SYNC: variants seen among roughly 807,000 people sequenced by gnomAD.
The protein encoded by SYNC is syncoilin.
In SYNC, 38 loss-of-function variants were observed where a neutral mutation model predicts 49.5. The ratio of observed to expected loss-of-function variants is 0.77; its 90% CI spans 0.59 to 1.01. SYNC has a LOEUF of 1.01. Ranked by LOEUF, SYNC falls within the 50% of genes least tolerant of loss-of-function variation. SYNC has a pLI of 0.00. For missense variants in SYNC, 579 were observed against 580.6 expected (o/e 1.00, Z 0.03); for synonymous variants, 201 against 230.8 (o/e 0.87, Z 1.17).
Position 32,695,667 on chromosome 1 carries a change from G to A in SYNC, c.431C>T (p.Thr144Ile). The A allele has an allele frequency of 1.3e-6, 2 of 1,551,600 alleles. No homozygotes were observed. Among genetic ancestry groups the A allele is most frequent in the Non-Finnish European group, 1.7e-6 (2 of 1,147,026 alleles). The change falls in exon 2 of 5, where the codon ACA becomes ATA. Residue 144 changes from threonine (T) to isoleucine (I), a missense_variant. Coordinates refer to ENST00000409190, the MANE Select transcript of SYNC (RefSeq NM_030786.3). ...CTCAGGGTTAGATTTCTCCGCCCTTGTGACTGTCTCTCCCTCATAAACAAC... is the reference window on the plus strand; with the variant it reads ...CTCAGGGTTAGATTTCTCCGCCCTTATGACTGTCTCTCCCTCATAAACAAC... ...EHVVYEGETV[T>I]RAEKSNPEES...
Position 32,684,351 on chromosome 1 carries a change from C to G in SYNC, c.1265G>C (p.Arg422Thr), listed in dbSNP as rs767422094. 2.5e-6 allele frequency: 4 copies of G among 1,614,168 alleles called. No homozygotes were observed. Among genetic ancestry groups the G allele is most frequent in the Non-Finnish European group, 3.4e-6 (4 of 1,180,034 alleles). Reference sequence around the variant, plus strand: ...GAGTTGCACCCCATTTCTTAACTGCCTCTGGCGTTCTTCCATTTCCTCCAG... The same window carrying G: ...GAGTTGCACCCCATTTCTTAACTGCGTCTGGCGTTCTTCCATTTCCTCCAG... ...EQLEEMEERQ[R>T]QLRNGVQLQQ... The change falls in exon 3 of 5, where the codon AGG (arginine) becomes ACG (threonine). Residue 422 changes from arginine to threonine, a missense_variant. Coordinates refer to ENST00000409190, the MANE Select transcript of SYNC (RefSeq NM_030786.3).
At chr1:32,687,372 A>AC (rs563249589) in intron 2 of SYNC, among the ~76,000 whole-genome samples, 18 of 150,254 alleles carry the variant, frequency 1.2e-4, no homozygotes, top group Non-Finnish European at 2.5e-4. Context: ...AAAAAAAAAA[A>AC]AAAACCATAA....
chr1:32,686,296 T>G (rs1649825846), intron 2 of SYNC: 1 of 152,200 alleles, frequency 6.6e-6, no homozygotes, highest in Admixed American at 6.5e-5. Flanking sequence ...ACAGCACTAC[T>G]CTAGCCTAAC....
intron 2 of SYNC, among the ~76,000 whole-genome samples, chr1:32,691,051 TAATAAA>T (rs1650135591): frequency 6.6e-6 from 1 of 152,098 alleles, no homozygotes; most frequent in African/African-American, 2.4e-5. Flanking sequence ...ACACTGTCTC[TAATAAA>T]AATAGAAAAA....
intron 3 of SYNC, 50 bp from the exon 4 acceptor site, chr1:32,684,139 T>G (rs1649644705): frequency 1.2e-6 from 2 of 1,607,492 alleles, no homozygotes; most frequent in Admixed American, 1.7e-5. Flanking sequence ...AAGCACAATT[T>G]GAAAATCATT....
chr1:32,693,284 T>C (rs35280287), intron 2 of SYNC, among the ~76,000 whole-genome samples: 125,953 of 152,016 alleles, frequency 0.83, 54,679 homozygotes, highest in Non-Finnish European at 0.96. Flanking sequence ...GGTTTCACCA[T>C]ATTGGCTATA....
At chr1:32,690,252 T>C (rs569154352) in intron 2 of SYNC, among the ~76,000 whole-genome samples, 1 of 152,346 alleles carries the variant, frequency 6.6e-6, no homozygotes, top group South Asian at 2.1e-4. Context: ...AGATTATCTT[T>C]GGAAAACAAT....
Position 32,695,252 on chromosome 1 carries a change from G to A in SYNC, c.846C>T (p.Thr282=). Residue 282 remains threonine (T), a synonymous_variant, in exon 2 of 5, where the codon ACC becomes ACT. Coordinates refer to ENST00000409190, the MANE Select transcript of SYNC (RefSeq NM_030786.3). ...DFREVLTTRA[T]QLSEELAQLR... is the part of the protein sequence containing the mutation. The stretch of plus-strand genomic sequence containing the variant: ...GCTGGGCCAGTTCCTCTGAGAGCTG[G>A]GTTGCCCTTGTAGTCAGCACTTCCC... The A allele has an allele frequency of 6.4e-7, 1 of 1,552,010 alleles. No homozygotes were observed. The highest frequency in any genetic ancestry group is 8.7e-7 in the Non-Finnish European group (1 of 1,147,164).
In SYNC at chr1:32,680,919, G is replaced by T. The variant is rs775563194; in HGVS notation, c.*931C>A. On this transcript the variant is annotated 3_prime_UTR_variant, in exon 5 of 5. Coordinates refer to ENST00000409190, the MANE Select transcript of SYNC (RefSeq NM_030786.3). The stretch of plus-strand genomic sequence containing the variant: ...AAGTCTATCTGTAGAGAACTACATG[G>T]ACTTCCAAGAGTGTCAAAGGCAGTG... 3 of 192,086 alleles carry T rather than the reference G, an allele frequency of 1.6e-5. No individual in the cohort carries two copies. Among genetic ancestry groups the T allele is most frequent in the Non-Finnish European group, 3.2e-5 (3 of 94,628 alleles). The allele number at this position is 192,086 out of a possible 1,614,324, so 11.9% of individuals were successfully genotyped here. A position where few individuals can be genotyped will look rare whatever the true frequency, so the allele number is the denominator to read the frequency against.
rs989465984 is a variant in SYNC at position 32,702,229 on chromosome 1, A to C, written c.53+379T>G. ...CAGCCTTGCACCAAGTGGCTTCCAC[A>C]CAGCCACTTCAGCAGGGGAGGCCTC... On this transcript the variant is annotated intron_variant, in intron 1 of 4. Transcript: ENST00000409190. This position sits in a 1 kb window ranked among gnomAD's most constrained non-coding sequence, Gnocchi z 6.2. Among the ~76,000 whole-genome samples the C allele has an allele frequency of 1.3e-5, 2 of 152,238 alleles. No homozygotes were observed. Among genetic ancestry groups the C allele is most frequent in the African/African-American group, 4.8e-5 (2 of 41,474 alleles).
At chr1:32,691,372 G>A (rs1390726245) in intron 2 of SYNC, among the ~76,000 whole-genome samples, 1 of 135,984 alleles carries the variant, frequency 7.4e-6, no homozygotes, top group Non-Finnish European at 1.6e-5. Context: ...TCCAGCCTAG[G>A]CAATAGAAGA....
At chr1:32,702,779 C>G, upstream of SYNC, 14 of 883,150 alleles carry the variant, frequency 1.6e-5, no homozygotes, top group Non-Finnish European at 1.9e-5. The surrounding 1 kb of genome is among the most constrained non-coding windows in gnomAD (Gnocchi z 6.2). Context: ...CCGGCCGGCC[C>G]CGGGCCGGGC....
chr1:32,687,855 A>ATTATTATTATTATTATTTTATTATTTT (rs71006359), intron 2 of SYNC, among the ~76,000 whole-genome samples: 1 of 135,516 alleles, frequency 7.4e-6, no homozygotes, highest in African/African-American at 2.7e-5. Context: ...TATTATTATT[A>ATTATTATTATTATTATTTTATTATTTT]TTATTATTTT....
chr1:32,697,495 C>T (rs1349025992), intron 1 of SYNC, among the ~76,000 whole-genome samples: 2 of 151,212 alleles, frequency 1.3e-5, no homozygotes, highest in Admixed American at 1.3e-4. Context: ...TGTAATCCAG[C>T]ACTTTGGGAG....
At chr1:32,699,693 G>A (rs1276274310) in intron 1 of SYNC, among the ~76,000 whole-genome samples, 2 of 150,926 alleles carry the variant, frequency 1.3e-5, no homozygotes, top group East Asian at 1.9e-4. Flanking sequence ...GCTACGCATG[G>A]TTTCAAGGTC....
At chr1:32,686,149 T>C (rs918055813) in intron 2 of SYNC, 3 of 152,206 alleles carry the variant, frequency 2.0e-5, no homozygotes, top group African/African-American at 7.2e-5. Context: ...ATGTCAAAAA[T>C]ATTTGATACT....
intron 1 of SYNC, among the ~76,000 whole-genome samples, chr1:32,701,104 C>T (rs1234468990): frequency 6.6e-6 from 1 of 151,998 alleles, no homozygotes; most frequent in Non-Finnish European, 1.5e-5. Flanking sequence ...TTAGTAGAGC[C>T]GGGTTTCACC....
intron 4 of SYNC, chr1:32,682,927 G>C (rs1300424916): frequency 6.6e-6 from 1 of 152,118 alleles, no homozygotes; most frequent in Non-Finnish European, 1.5e-5. Flanking sequence ...AAACATTGGG[G>C]GAGGGATCCT....
chr1:32,684,322 GCT>G lies in SYNC; in HGVS notation c.1292_1293del (p.Gln431ProfsTer16). The G allele has an allele frequency of 6.2e-7, 1 of 1,614,094 alleles. No homozygotes were observed. Among genetic ancestry groups the G allele is most frequent in the South Asian group, 1.1e-5 (1 of 91,072 alleles). On this transcript the variant is annotated frameshift_variant, in exon 3 of 5. Coordinates refer to ENST00000409190, the MANE Select transcript of SYNC (RefSeq NM_030786.3). LOFTEE classifies it high-confidence loss of function. ...QRQLRNGVQL[Q>X]QQKNKEMEQL... The stretch of plus-strand genomic sequence containing the variant: ...TGTTCCATCTCTTTGTTCTTCTGTT[GCT>G]GGAGTTGCACCCCATTTCTTAACTG...
Sources: allele counts gnomAD v4.1 joint callset (sites outside exome capture counted in the v4.1 genomes callset), GRCh38; gene constraint gnomAD v4.1.1; non-coding constraint Gnocchi (gnomAD v3.1); transcripts MANE v1.5; gene names NCBI Gene and HGNC (gene_info 2026-07-23, HGNC 2026-07-21).